Variants in PTPRN2 observed in about 807,000 individuals in gnomAD.
PTPRN2 encodes the protein protein tyrosine phosphatase receptor type N2.
In PTPRN2, 74 loss-of-function variants were observed where a neutral mutation model predicts 118.8. That is an observed-to-expected ratio of 0.62 (90% confidence interval 0.52 to 0.76). The LOEUF (loss-of-function observed/expected upper bound fraction) is 0.76. PTPRN2 is among the 30% of genes least tolerant of loss of function. PTPRN2 has a pLI of 0.00. For synonymous variants in PTPRN2, 641 were observed against 608.0 expected, an observed-to-expected ratio of 1.05 and a Z score of -0.80; for missense variants, 1,481 against 1,394.4, an observed-to-expected ratio of 1.06 and a Z score of -0.99.
intron 5 of PTPRN2, among the ~76,000 whole-genome samples, chr7:158,187,069 G>C (rs1825225677): frequency 6.6e-6 from 1 of 152,168 alleles, no homozygotes; most frequent in African/African-American, 2.4e-5. Context: ...AATAAAACAG[G>C]AAGCGTTACC....
chr7:157,759,227 C>T (rs749204329), intron 12 of PTPRN2, among the ~76,000 whole-genome samples: 1 of 152,202 alleles, frequency 6.6e-6, no homozygotes, highest in African/African-American at 2.4e-5. Flanking sequence ...TACTTAGGTC[C>T]GAGCTAAGTT....
intron 14 of PTPRN2, among the ~76,000 whole-genome samples, chr7:157,646,580 G>C (rs1805087871): frequency 6.6e-6 from 1 of 152,140 alleles, no homozygotes; most frequent in Non-Finnish European, 1.5e-5. Flanking sequence ...ATGAACCCGG[G>C]TCTAATTAAC....
intron 20 of PTPRN2, among the ~76,000 whole-genome samples, chr7:157,569,746 A>G (rs951077366): frequency 1.3e-5 from 2 of 152,230 alleles, no homozygotes; most frequent in African/African-American, 4.8e-5. Flanking sequence ...AGACGCTGTC[A>G]CTGGGTTGCA....
At chr7:157,559,829 C>A (rs1396365468) in intron 21 of PTPRN2, among the ~76,000 whole-genome samples, 2 of 152,142 alleles carry the variant, frequency 1.3e-5, no homozygotes, top group African/African-American at 4.8e-5. Flanking sequence ...GGCTGTGGCC[C>A]CCCCCGCCCC....
intron 2 of PTPRN2, among the ~76,000 whole-genome samples, chr7:158,340,706 C>T (rs1299569402): frequency 6.4e-5 from 5 of 78,448 alleles, no homozygotes; most frequent in Admixed American, 2.7e-4. Flanking sequence ...AACCTGCAGA[C>T]GTCACTCACA....
intron 4 of PTPRN2, among the ~76,000 whole-genome samples, chr7:158,199,139 TGTTCTCAGGTTCCTG>T (rs1277300819): frequency 1.3e-5 from 2 of 152,056 alleles, no homozygotes; most frequent in Non-Finnish European, 2.9e-5. Flanking sequence ...GACTTTAGCA[TGTTCTCAGGTTCCTG>T]GTTCTCAGGT....
At chr7:157,850,900 T>C (rs1005382478) in intron 12 of PTPRN2, among the ~76,000 whole-genome samples, 1 of 152,228 alleles carries the variant, frequency 6.6e-6, no homozygotes, top group Admixed American at 6.5e-5. Flanking sequence ...ATCTCTGAAA[T>C]ATGCTTTGCA....
At chr7:157,719,550 G>A (rs891096998) in intron 12 of PTPRN2, among the ~76,000 whole-genome samples, 1 of 152,266 alleles carries the variant, frequency 6.6e-6, no homozygotes, top group African/African-American at 2.4e-5. Flanking sequence ...CTGCTGTCCA[G>A]TTCTTGGCAT....
chr7:157,597,486 T>G (rs77916092), intron 16 of PTPRN2, among the ~76,000 whole-genome samples: 207 of 145,542 alleles, frequency 1.4e-3, no homozygotes, highest in South Asian at 4.0e-3. Context: ...GTGTGTGTGT[T>G]TTTTTTTTTG....
chr7:158,076,494 G>C (rs1812370488), intron 11 of PTPRN2, among the ~76,000 whole-genome samples: 1 of 152,242 alleles, frequency 6.6e-6, no homozygotes, highest in Non-Finnish European at 1.5e-5. Flanking sequence ...GGGCCAACCT[G>C]CCTGTGTCCA....
At chr7:157,766,976 T>A (rs1226809197) in intron 12 of PTPRN2, among the ~76,000 whole-genome samples, 1 of 152,120 alleles carries the variant, frequency 6.6e-6, no homozygotes, top group Non-Finnish European at 1.5e-5. Flanking sequence ...CAGCTGGGAG[T>A]GGCTTGTCCC....
Position 158,192,934 on chromosome 7 carries a change from G to A in PTPRN2, c.381-439C>T, listed in dbSNP as rs74703160. Among the ~76,000 whole-genome samples, 1,213 of 152,268 alleles carry A rather than the reference G, an allele frequency of 8.0e-3. 18 individuals are homozygous for A. The highest frequency in any genetic ancestry group is 0.028 in the African/African-American group (1,146 of 41,556). On this transcript the variant is annotated intron_variant, in intron 4 of 22. Transcript: ENST00000389418. ...TTGTGGGTAGACCAAGGAAGGTGGC[G>A]GCCCAGAAGCTGGAAAAGGCAGGAA...
intron 1 of PTPRN2, among the ~76,000 whole-genome samples, chr7:158,527,836 C>A (rs990691841): frequency 2.6e-5 from 4 of 152,224 alleles, no homozygotes; most frequent in Non-Finnish European, 5.9e-5. Flanking sequence ...GCCCCGTATC[C>A]CAGATTCATC....
chr7:158,502,675 C>T (rs543814555), intron 1 of PTPRN2, among the ~76,000 whole-genome samples: 23 of 152,276 alleles, frequency 1.5e-4, no homozygotes, highest in African/African-American at 3.4e-4. Flanking sequence ...CCACACACCA[C>T]GCTGTTGATT....
At chr7:157,752,492 T>C (rs895711943) in intron 12 of PTPRN2, among the ~76,000 whole-genome samples, 2 of 152,200 alleles carry the variant, frequency 1.3e-5, no homozygotes, top group African/African-American at 4.8e-5. Context: ...GTGCGCGGTG[T>C]GGCTGTCGCC....
intron 22 of PTPRN2, among the ~76,000 whole-genome samples, chr7:157,543,148 C>T (rs1161706475): frequency 2.0e-5 from 3 of 152,146 alleles, no homozygotes; most frequent in African/African-American, 7.2e-5. Context: ...AACAGATGAC[C>T]AGATGACCAT....
chr7:158,389,818 G>T (rs903069478), intron 2 of PTPRN2, among the ~76,000 whole-genome samples: 4 of 152,244 alleles, frequency 2.6e-5, no homozygotes, highest in African/African-American at 9.6e-5. Context: ...CCACATCTTA[G>T]TTTTCACAAA....
chr7:158,305,980 G>A (rs926671131), intron 3 of PTPRN2, among the ~76,000 whole-genome samples: 1 of 152,128 alleles, frequency 6.6e-6, no homozygotes. Context: ...GAAAGCACAG[G>A]GTGGGGTTAG....
chr7:158,212,062 A>G (rs899259196), intron 3 of PTPRN2, among the ~76,000 whole-genome samples: 3 of 152,230 alleles, frequency 2.0e-5, no homozygotes, highest in Non-Finnish European at 4.4e-5. Flanking sequence ...TTCATTTGCA[A>G]CAACATGGAT....
Sources: gnomAD v4.1 joint callset for allele counts (sites outside exome capture counted in the v4.1 genomes callset) on GRCh38, gnomAD v4.1.1 for gene constraint, MANE v1.5 for transcripts, NCBI Gene and HGNC (gene_info 2026-07-23, HGNC 2026-07-21) for gene names.